The following AGAP1 variants were observed in gnomAD, a reference collection of about 807,000 sequenced individuals.
AGAP1 encodes arf-GAP with GTPase, ANK repeat and PH domain-containing protein 1.
Under a neutral mutation model 105.3 loss-of-function variants are expected in AGAP1, and 29 were observed. The ratio of observed to expected loss-of-function variants is 0.28; its 90% CI spans 0.21 to 0.38. The LOEUF (loss-of-function observed/expected upper bound fraction) is 0.38, where lower values mean the gene tolerates loss of function less well. Ranked by LOEUF, AGAP1 falls within the 10% of genes least tolerant of loss-of-function variation. The probability of loss-of-function intolerance (pLI) is 1.00; values close to 1 mark genes in which losing one functional copy is unlikely to be tolerated. For missense variants in AGAP1, 998 were observed against 1,165.1 expected, an observed-to-expected ratio of 0.86 and a Z score of 2.09; for synonymous variants, 509 against 485.9, an observed-to-expected ratio of 1.05 and a Z score of -0.63.
At chr2:235,815,431 G>A (rs1490488626) in intron 9 of AGAP1, among the ~76,000 whole-genome samples, 3 of 152,188 alleles carry the variant, frequency 2.0e-5, no homozygotes, top group African/African-American at 4.8e-5. Flanking sequence ...GGTCCCATCT[G>A]TACGTCATTT....
chr2:235,510,192 A>G (rs1942013517), intron 1 of AGAP1, among the ~76,000 whole-genome samples: 1 of 152,148 alleles, frequency 6.6e-6, no homozygotes, highest in South Asian at 2.1e-4. Context: ...CAATAAATGT[A>G]ATGCATTTGA....
chr2:235,613,423 A>T (rs7607571), intron 1 of AGAP1, among the ~76,000 whole-genome samples: 26,990 of 152,254 alleles, frequency 0.18, 3,122 homozygotes, highest in Middle Eastern at 0.29. Context: ...TTTACACTTA[A>T]TGCATATTTT....
rs2054032549 is a variant in AGAP1, at chr2:235,958,270, C to T, written c.1484-10192C>T. ...AGTGGTTGGAGGTGTTTCTGGAGGG[C>T]CCTGTACTCCCTGAAATCCAGGCTC... On this transcript the variant is annotated intron_variant, in intron 12 of 17. Coordinates refer to ENST00000304032, the MANE Select transcript of AGAP1 (RefSeq NM_001037131.3). The surrounding 1 kb of genome is among the most constrained non-coding windows in gnomAD (Gnocchi z 4.1). Among the ~76,000 whole-genome samples the T allele has an allele frequency of 6.6e-6, 1 of 152,018 alleles. No homozygotes were observed. The highest frequency in any genetic ancestry group is 6.6e-5 in the Admixed American group (1 of 15,254).
At chr2:235,854,380 C>T (rs1388374122) in intron 9 of AGAP1, among the ~76,000 whole-genome samples, 1 of 152,234 alleles carries the variant, frequency 6.6e-6, no homozygotes, top group African/African-American at 2.4e-5. Flanking sequence ...CTCTTTTTCT[C>T]CCCGATAGAT....
Position 235,705,856 on chromosome 2 carries a change from TA to T in AGAP1, c.164-3321del, listed in dbSNP as rs1950508505. 6.6e-6 allele frequency among the ~76,000 whole-genome samples: 1 copy of T among 152,232 alleles called. No homozygotes were observed. Among genetic ancestry groups the T allele is most frequent in the Admixed American group, 6.5e-5 (1 of 15,290 alleles). On this transcript the variant is annotated intron_variant, in intron 1 of 17. Coordinates refer to ENST00000304032, the MANE Select transcript of AGAP1 (RefSeq NM_001037131.3). The surrounding 1 kb of genome is among the most constrained non-coding windows in gnomAD (Gnocchi z 4.9). Reference sequence around the variant, plus strand: ...GTTTATATAATCATGCATCTTTGTTTAATGGAGCACTGCTTAATTTATAATG... The same window carrying T: ...GTTTATATAATCATGCATCTTTGTTTATGGAGCACTGCTTAATTTATAATG...
intron 6 of AGAP1, among the ~76,000 whole-genome samples, chr2:235,784,246 C>T (rs1443525511): frequency 6.6e-6 from 1 of 151,944 alleles, no homozygotes; most frequent in Non-Finnish European, 1.5e-5. Context: ...TAGAAGTGTA[C>T]AGTATAATGA....
intron 10 of AGAP1, among the ~76,000 whole-genome samples, chr2:235,898,049 C>T (rs896790406): frequency 9.9e-5 from 15 of 152,182 alleles, no homozygotes; most frequent in African/African-American, 3.4e-4. Flanking sequence ...CCACCTCTGC[C>T]GCATCGGCTA....
rs193239943 is a variant in AGAP1, at chr2:235,545,458, C to G, written c.163+50609C>G. 2.0e-5 allele frequency among the ~76,000 whole-genome samples: 3 copies of G among 152,318 alleles called. No individual in the cohort carries two copies. In the East Asian group the frequency reaches 5.8e-4, roughly 29 times the overall value. ...TACTTATAGGAAGTTTGAGACTGAGCCAGAACCTTTCTGGGTCTCTTGCAC... is the reference window on the plus strand; with the variant it reads ...TACTTATAGGAAGTTTGAGACTGAGGCAGAACCTTTCTGGGTCTCTTGCAC... On this transcript the variant is annotated intron_variant, in intron 1 of 17. Transcript: ENST00000304032.
chr2:235,501,793 A>G (rs868008203), intron 1 of AGAP1, among the ~76,000 whole-genome samples: 7 of 151,944 alleles, frequency 4.6e-5, no homozygotes, highest in East Asian at 1.9e-4. Flanking sequence ...CCCCATCCCA[A>G]TCCTCCAGCC....
rs959215999 is a variant in AGAP1, at chr2:235,777,130, G to A, written c.674-20629G>A. ...TTCCAGCACTTTGAGAGGCCAAGGC[G>A]GGTGGATCACGAGGTCAGGAGATCG... On this transcript the variant is annotated intron_variant, in intron 6 of 17. Coordinates refer to ENST00000304032, the MANE Select transcript of AGAP1 (RefSeq NM_001037131.3). This position sits in a 1 kb window ranked among gnomAD's most constrained non-coding sequence, Gnocchi z 5.1. The A allele has an allele frequency of 5.0e-5, 23 of 458,324 alleles. No homozygotes were observed. The highest frequency in any genetic ancestry group is 7.2e-5 in the Non-Finnish European group (16 of 221,200). The allele number at this position is 458,324 out of a possible 1,614,324, so 28.4% of individuals were successfully genotyped here. A position where few individuals can be genotyped will look rare whatever the true frequency, so the allele number is the denominator to read the frequency against.
intron 1 of AGAP1, among the ~76,000 whole-genome samples, chr2:235,613,627 A>G (rs1186794567): frequency 6.6e-6 from 1 of 152,204 alleles, no homozygotes; most frequent in Non-Finnish European, 1.5e-5. Context: ...CCCTGAAAAA[A>G]CTACAAGAAA....
rs2056095119 is a variant in AGAP1, at chr2:236,000,972, C to A, written c.1645+32349C>A. Among the ~76,000 whole-genome samples the A allele has an allele frequency of 6.6e-6, 1 of 152,186 alleles. No individual in the cohort carries two copies. Among genetic ancestry groups the A allele is most frequent in the African/African-American group, 2.4e-5 (1 of 41,440 alleles). Reference sequence around the variant, plus strand: ...CCATAAAGGACTGTCATCCATCTGTCATTGGCTGAATTGTGACCTCCAGAA... The same window carrying A: ...CCATAAAGGACTGTCATCCATCTGTAATTGGCTGAATTGTGACCTCCAGAA... On this transcript the variant is annotated intron_variant, in intron 13 of 17. Coordinates refer to ENST00000304032, the MANE Select transcript of AGAP1 (RefSeq NM_001037131.3). This position sits in a 1 kb window ranked among gnomAD's most constrained non-coding sequence, Gnocchi z 4.3.
intron 1 of AGAP1, among the ~76,000 whole-genome samples, chr2:235,628,037 C>T (rs931413674): frequency 6.6e-6 from 1 of 152,154 alleles, no homozygotes; most frequent in African/African-American, 2.4e-5. Flanking sequence ...CTGAGCCCCC[C>T]ATGCACTTAC....
chr2:236,059,131 A>G (rs972958814), intron 16 of AGAP1, among the ~76,000 whole-genome samples: 10 of 152,072 alleles, frequency 6.6e-5, no homozygotes, highest in African/African-American at 2.4e-4. Flanking sequence ...GTTCAAGACC[A>G]GCCTGGGCAA....
chr2:235,674,177 G>T (rs946781631), intron 1 of AGAP1, among the ~76,000 whole-genome samples: 3 of 152,170 alleles, frequency 2.0e-5, no homozygotes, highest in Non-Finnish European at 4.4e-5. Context: ...CAGAACAGTT[G>T]CCTCGGTGAG....
chr2:235,771,159 G>A (rs1001841595), intron 6 of AGAP1, among the ~76,000 whole-genome samples: 5 of 152,208 alleles, frequency 3.3e-5, no homozygotes, highest in Admixed American at 3.3e-4. Context: ...CCAAGTGATG[G>A]CGATTTTGGA....
chr2:235,585,737 G>A (rs753938597), intron 1 of AGAP1, among the ~76,000 whole-genome samples: 3 of 152,226 alleles, frequency 2.0e-5, no homozygotes, highest in Non-Finnish European at 4.4e-5. Context: ...AAACTTGTAG[G>A]TAAAAACCAA....
intron 9 of AGAP1, among the ~76,000 whole-genome samples, chr2:235,858,192 T>C (rs889163707): frequency 6.6e-6 from 1 of 152,254 alleles, no homozygotes; most frequent in African/African-American, 2.4e-5. Flanking sequence ...TATAAAATCG[T>C]AATTCAGTAA....
intron 1 of AGAP1, among the ~76,000 whole-genome samples, chr2:235,580,910 A>G (rs892184846): frequency 1.3e-5 from 2 of 152,088 alleles, no homozygotes; most frequent in Admixed American, 6.5e-5. Flanking sequence ...TGCTCCTTGT[A>G]TGGTGAATAA....
Sources: gnomAD v4.1 joint callset for allele counts (sites outside exome capture counted in the v4.1 genomes callset) on GRCh38, gnomAD v4.1.1 for gene constraint, Gnocchi (gnomAD v3.1) non-coding constraint, MANE v1.5 for transcripts, NCBI Gene and HGNC (gene_info 2026-07-23, HGNC 2026-07-21) for gene names.